Variants in UBR3 observed in about 807,000 individuals in gnomAD.
UBR3 encodes E3 ubiquitin-protein ligase UBR3.
Under a neutral mutation model 243.2 loss-of-function variants are expected in UBR3, and 85 were observed. That is an observed-to-expected ratio of 0.35 (90% CI 0.29 to 0.42). UBR3 has a LOEUF of 0.42. UBR3 is among the 10% of genes least tolerant of loss of function. UBR3 has a pLI of 1.00. For synonymous variants in UBR3, 748 were observed against 799.8 expected (o/e 0.94, Z 1.09); for missense variants, 1,686 against 2,300.8 (o/e 0.73, Z 5.47).
intron 8 of UBR3, among the ~76,000 whole-genome samples, chr2:169,900,367 A>G (rs2084771022): frequency 6.6e-6 from 1 of 152,150 alleles, no homozygotes; most frequent in Admixed American, 6.5e-5. Flanking sequence ...AATTTGTTTA[A>G]GTTCTTTGTA....
chr2:169,934,745 G>A (rs774415154), intron 19 of UBR3, among the ~76,000 whole-genome samples: 5 of 152,208 alleles, frequency 3.3e-5, no homozygotes, highest in Non-Finnish European at 5.9e-5. Context: ...AAGGCAATCA[G>A]TAAATATTTG....
intron 20 of UBR3, among the ~76,000 whole-genome samples, chr2:169,945,079 A>G (rs910963149): frequency 6.6e-6 from 1 of 152,180 alleles, no homozygotes; most frequent in Middle Eastern, 3.4e-3. Flanking sequence ...AATGACAGAT[A>G]TTAACTCATG....
chr2:170,004,506 T>C (rs2089835046), intron 27 of UBR3, among the ~76,000 whole-genome samples: 1 of 152,076 alleles, frequency 6.6e-6, no homozygotes, highest in African/African-American at 2.4e-5. Context: ...CTGAAGGAGT[T>C]GCCATGAGTC....
In UBR3 at chr2:169,957,459, A is replaced by G. The variant is rs112532244; in HGVS notation, c.3546-979A>G. Among the ~76,000 whole-genome samples, 701 of 151,748 alleles carry G rather than the reference A, an allele frequency of 4.6e-3. 1 individual carries two copies. The highest frequency in any genetic ancestry group is 0.015 in the African/African-American group (633 of 41,432). On this transcript the variant is annotated intron_variant, in intron 23 of 38. Coordinates refer to ENST00000272793, the MANE Select transcript of UBR3 (RefSeq NM_172070.4). ...CCGTCATTCTGACCAAACTGTCACA[A>G]AGACAAAAAACCAAACACTGCATGT... is the stretch of plus-strand genomic sequence containing the variant.
chr2:169,969,378 A>C (rs1400579968), intron 24 of UBR3, among the ~76,000 whole-genome samples: 1 of 152,112 alleles, frequency 6.6e-6, no homozygotes, highest in Non-Finnish European at 1.5e-5. Flanking sequence ...ATTGAGAGAT[A>C]AGGGTCTAGT....
chr2:170,034,979 G>A (rs536383164), intron 31 of UBR3, among the ~76,000 whole-genome samples: 3 of 150,804 alleles, frequency 2.0e-5, no homozygotes, highest in African/African-American at 7.3e-5. Flanking sequence ...CTTTGGTGAG[G>A]TATCTGTTAA....
At chr2:169,857,490 C>T (rs2082927390) in intron 1 of UBR3, among the ~76,000 whole-genome samples, 1 of 152,048 alleles carries the variant, frequency 6.6e-6, no homozygotes, top group African/African-American at 2.4e-5. Flanking sequence ...GATCTCAGCT[C>T]ACTGCAACAT....
At chr2:170,059,285 AAGTTATCACTC>A (rs2091407888) in intron 33 of UBR3, among the ~76,000 whole-genome samples, 1 of 152,260 alleles carries the variant, frequency 6.6e-6, no homozygotes, top group South Asian at 2.1e-4. Flanking sequence ...CTTAAAAGTC[AAGTTATCACTC>A]AGTGACTTAC....
chr2:169,845,492 T>TCG (rs2082434757), intron 1 of UBR3, among the ~76,000 whole-genome samples: 6 of 123,504 alleles, frequency 4.9e-5, no homozygotes, highest in Non-Finnish European at 7.9e-5. Context: ...CCTTTCCCTC[T>TCG]TCGTCGTCAT....
chr2:169,928,745 C>T lies in UBR3; in HGVS notation c.2443C>T (p.Pro815Ser). The T allele has an allele frequency of 6.7e-7, 1 of 1,489,894 alleles. No individual in the cohort carries two copies. Among genetic ancestry groups the T allele is most frequent in the Non-Finnish European group, 9.1e-7 (1 of 1,104,166 alleles). The allele number at this position is 1,489,894 out of a possible 1,614,324, so 92.3% of individuals were successfully genotyped here. A position where few individuals can be genotyped will look rare whatever the true frequency, so the allele number is the denominator to read the frequency against. Residue 815 changes from proline to serine, a missense_variant, in exon 18 of 39, where the codon CCC (proline) becomes TCC (serine). This residue lies in a region of UBR3 where 346 missense variants were observed against 585.8 expected (regional missense o/e 0.59). Coordinates refer to ENST00000272793, the MANE Select transcript of UBR3 (RefSeq NM_172070.4). ...LLDLIPENPN[P>S]KSGIIPGSYS... ...ATATCATATTCCAGAAAATCCTAATCCCAAAAGTGGCATTATTCCAGGCAG... is the reference window on the plus strand; with the variant it reads ...ATATCATATTCCAGAAAATCCTAATTCCAAAAGTGGCATTATTCCAGGCAG...
chr2:169,844,046 GCCCA>G (rs2082385903), intron 1 of UBR3, among the ~76,000 whole-genome samples: 1 of 74,862 alleles, frequency 1.3e-5, no homozygotes, highest in Non-Finnish European at 2.8e-5. Flanking sequence ...CGCTCTTTTT[GCCCA>G]GGCTGGAGTG....
intron 1 of UBR3, among the ~76,000 whole-genome samples, chr2:169,852,868 A>AAC (rs1169475864): frequency 2.5e-4 from 36 of 145,610 alleles, no homozygotes; most frequent in African/African-American, 8.8e-4. Context: ...AAAAAAAAAA[A>AAC]AAAAAAAAAA....
At chr2:169,999,894 C>T (rs183215840) in intron 26 of UBR3, among the ~76,000 whole-genome samples, 175 of 152,176 alleles carry the variant, frequency 1.1e-3, no homozygotes, top group African/African-American at 3.6e-3. Flanking sequence ...GAGGCCGAGA[C>T]GGGTGGATCA....
intron 17 of UBR3, among the ~76,000 whole-genome samples, chr2:169,928,306 G>A (rs1404932165): frequency 6.6e-6 from 1 of 152,022 alleles, no homozygotes; most frequent in Non-Finnish European, 1.5e-5. Flanking sequence ...CTTTGGGGAT[G>A]AAATTTTGTG....
At chr2:169,925,048 A>G (rs2085859135) in intron 13 of UBR3, among the ~76,000 whole-genome samples, 1 of 152,204 alleles carries the variant, frequency 6.6e-6, no homozygotes, top group East Asian at 1.9e-4. Flanking sequence ...AAACAAAAAA[A>G]ATGATGACTG....
chr2:169,845,453 T>G (rs2082432750), intron 1 of UBR3, among the ~76,000 whole-genome samples: 1 of 150,096 alleles, frequency 6.7e-6, no homozygotes, highest in Non-Finnish European at 1.5e-5. Context: ...TTGAGTTTTT[T>G]TTTTTTCAGA....
rs1007716275 is a variant in UBR3 at position 169,964,361 on chromosome 2, A to T, written c.3634+5835A>T. The T allele has an allele frequency of 6.5e-6, 3 of 461,702 alleles. No homozygotes were observed. The East Asian group carries it at 2.1e-4, about 32-fold the overall frequency. The allele number at this position is 461,702 out of a possible 1,614,324, so 28.6% of individuals were successfully genotyped here. A position where few individuals can be genotyped will look rare whatever the true frequency, so the allele number is the denominator to read the frequency against. ...AAAAGCTTAATTAATACTTTAAGAA[A>T]TTGTTTTTATTTGCTACTTTCCACT... On this transcript the variant is annotated intron_variant, in intron 24 of 38. Transcript: ENST00000272793.
At chr2:169,925,220 G>A (rs569899449) in intron 13 of UBR3, among the ~76,000 whole-genome samples, 10 of 152,284 alleles carry the variant, frequency 6.6e-5, no homozygotes, top group Middle Eastern at 3.4e-3. Context: ...ACTTTGAACA[G>A]TTGGTTTTAT....
intron 18 of UBR3, 54 bp from the exon 19 acceptor site, chr2:169,932,858 A>G: frequency 2.2e-6 from 3 of 1,361,386 alleles, no homozygotes; most frequent in Non-Finnish European, 3.0e-6. Flanking sequence ...TAAGTCAATA[A>G]ATATTGATTT....
Sources: gnomAD v4.1 joint callset for allele counts (sites outside exome capture counted in the v4.1 genomes callset) on GRCh38, gnomAD v4.1.1 for gene constraint, gnomAD v4.1.1 regional missense constraint, MANE v1.5 for transcripts, NCBI Gene and HGNC (gene_info 2026-07-23, HGNC 2026-07-21) for gene names.